MED13L: variants seen among roughly 807,000 people sequenced by gnomAD.
MED13L encodes the protein mediator of RNA polymerase II transcription subunit 13-like.
In MED13L, 7 loss-of-function variants were observed where a neutral mutation model predicts 220.9. That is an observed-to-expected ratio of 0.03 (90% CI 0.02 to 0.06). The LOEUF (loss-of-function observed/expected upper bound fraction) is 0.06, where lower values mean the gene tolerates loss of function less well. Among genes scored for constraint, MED13L ranks in the 10% least tolerant of loss-of-function variants. The pLI is 1.00. For synonymous variants in MED13L, 1,011 were observed against 1,015.2 expected (o/e 1.00, Z 0.08); for missense variants, 1,965 against 2,760.5 (o/e 0.71, Z 6.46).
intron 2 of MED13L, among the ~76,000 whole-genome samples, chr12:116,158,503 CA>C (rs1214745592): frequency 6.6e-6 from 1 of 151,998 alleles, no homozygotes; most frequent in African/African-American, 2.4e-5. Flanking sequence ...AACTAATTGG[CA>C]AAGATAAGTC....
Position 116,235,358 on chromosome 12 carries a change from T to C in MED13L, c.310+2110A>G, listed in dbSNP as rs1593193971. Among the ~76,000 whole-genome samples the C allele has an allele frequency of 2.0e-5, 3 of 152,282 alleles. No individual in the cohort carries two copies. The South Asian group carries it at 6.2e-4, about 32-fold the overall frequency. On this transcript the variant is annotated intron_variant, in intron 2 of 30. Transcript: ENST00000281928. ...ACAAAATATAAACAGTTTATACCAC[T>C]ATCAAACTCCAAAGAAAAGTAATCA...
chr12:116,174,017 C>A (rs149462673), intron 2 of MED13L, among the ~76,000 whole-genome samples: 2 of 152,260 alleles, frequency 1.3e-5, no homozygotes, highest in East Asian at 3.9e-4. Context: ...CTGTTTGAAT[C>A]CAAGAGTCCA....
At chr12:116,267,960 AATATATTCAGAACACAGAG>A (rs1253454221) in intron 1 of MED13L, among the ~76,000 whole-genome samples, 1 of 152,234 alleles carries the variant, frequency 6.6e-6, no homozygotes, top group Non-Finnish European at 1.5e-5. Context: ...GTCTAGATAA[AATATATTCAGAACACAGAG>A]TTAATCATCA....
At chr12:116,048,100 A>G (rs1303078394) in intron 4 of MED13L, among the ~76,000 whole-genome samples, 1 of 151,806 alleles carries the variant, frequency 6.6e-6, no homozygotes, top group Non-Finnish European at 1.5e-5. Flanking sequence ...CAGCAACTTT[A>G]CTTTTAATTG....
intron 1 of MED13L, among the ~76,000 whole-genome samples, chr12:116,246,308 G>T (rs1479546854): frequency 1.3e-5 from 2 of 151,670 alleles, no homozygotes; most frequent in African/African-American, 4.8e-5. Context: ...AAACAGACCT[G>T]AGAGGGAATA....
intron 2 of MED13L, among the ~76,000 whole-genome samples, chr12:116,233,622 T>C (rs1869792091): frequency 6.6e-6 from 1 of 152,214 alleles, no homozygotes; most frequent in South Asian, 2.1e-4. Flanking sequence ...GCAGTAGCAA[T>C]AGTTACAATT....
chr12:116,017,788 G>GT (rs1215875525), intron 7 of MED13L, among the ~76,000 whole-genome samples: 1 of 151,962 alleles, frequency 6.6e-6, no homozygotes, highest in Non-Finnish European at 1.5e-5. Flanking sequence ...GCTCATTTTT[G>GT]TATTTTTTGT....
At chr12:116,089,102 A>G (rs949521352) in intron 4 of MED13L, among the ~76,000 whole-genome samples, 8 of 152,242 alleles carry the variant, frequency 5.3e-5, no homozygotes, top group African/African-American at 1.9e-4. Flanking sequence ...AAAAGGTCCA[A>G]TGGAAATTAT....
At chr12:115,973,888 T>C (rs554417621) in intron 25 of MED13L, among the ~76,000 whole-genome samples, 2 of 152,328 alleles carry the variant, frequency 1.3e-5, no homozygotes, top group Admixed American at 6.5e-5. Flanking sequence ...ATGTAATATT[T>C]ATATAAACTG....
At chr12:116,115,632 C>T (rs1874441714) in intron 2 of MED13L, among the ~76,000 whole-genome samples, 2 of 150,504 alleles carry the variant, frequency 1.3e-5, no homozygotes, top group Admixed American at 6.6e-5. Flanking sequence ...ATTCAGAATA[C>T]GTTACTTTTT....
intron 4 of MED13L, among the ~76,000 whole-genome samples, chr12:116,025,292 T>C (rs1052071792): frequency 2.6e-5 from 4 of 152,174 alleles, no homozygotes; most frequent in Admixed American, 6.6e-5. Flanking sequence ...GAATGTAAAT[T>C]AAGACAGCAA....
chr12:116,230,889 T>C (rs1169840261), intron 2 of MED13L, among the ~76,000 whole-genome samples: 2 of 152,196 alleles, frequency 1.3e-5, no homozygotes, highest in African/African-American at 4.8e-5. Context: ...AGATACACAG[T>C]AATATATTCC....
intron 4 of MED13L, among the ~76,000 whole-genome samples, chr12:116,042,301 A>G (rs984877872): frequency 2.6e-5 from 4 of 152,236 alleles, no homozygotes; most frequent in African/African-American, 9.6e-5. Context: ...TATCCCTGAA[A>G]GTGTAATGAA....
At chr12:116,085,792 C>T (rs1434674332) in intron 4 of MED13L, among the ~76,000 whole-genome samples, 1 of 139,556 alleles carries the variant, frequency 7.2e-6, no homozygotes, top group African/African-American at 2.8e-5. Flanking sequence ...ACACACACGA[C>T]ATTAAGAACA....
At chr12:116,145,313 T>G (rs1235236651) in intron 2 of MED13L, among the ~76,000 whole-genome samples, 1 of 152,132 alleles carries the variant, frequency 6.6e-6, no homozygotes, top group Non-Finnish European at 1.5e-5. Context: ...ATACAAAGAT[T>G]TCCTCATCAC....
chr12:115,969,124 C>A (rs1876398099), intron 27 of MED13L, 27 bp from the exon 28 acceptor site: 1 of 1,609,202 alleles, frequency 6.2e-7, no homozygotes, highest in Non-Finnish European at 8.5e-7. Context: ...AAAAAAAGCA[C>A]AAAAATTAAA....
At chr12:116,140,042 C>T (rs1332788546) in intron 2 of MED13L, among the ~76,000 whole-genome samples, 1 of 149,382 alleles carries the variant, frequency 6.7e-6, no homozygotes, top group African/African-American at 2.5e-5. Context: ...CAAAGGCAGA[C>T]AGGACCTTTA....
At chr12:116,194,916 A>C (rs1176021703) in intron 2 of MED13L, among the ~76,000 whole-genome samples, 3 of 152,190 alleles carry the variant, frequency 2.0e-5, no homozygotes, top group Non-Finnish European at 4.4e-5. Flanking sequence ...AATATGTAAC[A>C]GAGAGTGGGC....
At chr12:116,051,229 G>A (rs964759226) in intron 4 of MED13L, among the ~76,000 whole-genome samples, 1 of 141,960 alleles carries the variant, frequency 7.0e-6, no homozygotes, top group Non-Finnish European at 1.6e-5. Flanking sequence ...GAAATGAACA[G>A]GCCAGGCATG....
Sources: gnomAD v4.1 joint callset for allele counts (sites outside exome capture counted in the v4.1 genomes callset) on GRCh38, gnomAD v4.1.1 for gene constraint, MANE v1.5 for transcripts, NCBI Gene and HGNC (gene_info 2026-07-23, HGNC 2026-07-21) for gene names.